Variants in SNTG2 observed in about 807,000 individuals in gnomAD.
SNTG2 encodes the protein gamma-2-syntrophin.
Under a neutral mutation model 70.9 loss-of-function variants are expected in SNTG2, and 74 were observed. That is an observed-to-expected ratio of 1.04 (90% CI 0.86 to 1.27). The LOEUF (loss-of-function observed/expected upper bound fraction) is 1.27, where lower values mean the gene tolerates loss of function less well. SNTG2 is among the 50% of genes most tolerant of loss of function. SNTG2 has a pLI of 0.00. For synonymous variants in SNTG2, 278 were observed against 273.8 expected (o/e 1.02, Z -0.15); for missense variants, 717 against 690.7 (o/e 1.04, Z -0.43).
At chr2:1,032,638 T>C (rs559787629) in intron 1 of SNTG2, among the ~76,000 whole-genome samples, 41 of 152,318 alleles carry the variant, frequency 2.7e-4, no homozygotes, top group Middle Eastern at 3.4e-3. Context: ...TGTTTCTGAA[T>C]TAAGAAGGAC....
intron 4 of SNTG2, among the ~76,000 whole-genome samples, chr2:1,121,991 A>T (rs903931114): frequency 6.6e-6 from 1 of 152,222 alleles, no homozygotes; most frequent in Non-Finnish European, 1.5e-5. Context: ...ATATGCCAGA[A>T]AATTGGACTA....
chr2:1,364,827 G>A (rs568445750), intron 16 of SNTG2, among the ~76,000 whole-genome samples: 1 of 151,660 alleles, frequency 6.6e-6, no homozygotes, highest in Admixed American at 6.6e-5. Context: ...GGAGAATGGC[G>A]TGAACCCAGG....
intron 16 of SNTG2, among the ~76,000 whole-genome samples, chr2:1,350,978 C>G (rs893566704): frequency 1.3e-5 from 2 of 151,938 alleles, no homozygotes; most frequent in African/African-American, 2.4e-5. Context: ...CTTTTACTCT[C>G]AATATCAAGT....
chr2:1,114,766 C>G (rs1481188284), intron 4 of SNTG2, among the ~76,000 whole-genome samples: 3 of 151,964 alleles, frequency 2.0e-5, no homozygotes, highest in Non-Finnish European at 4.4e-5. Context: ...CCCTTATACT[C>G]CTTTGAGAAG....
chr2:1,066,808 A>AC (rs1663185665), intron 1 of SNTG2, among the ~76,000 whole-genome samples: 1 of 151,868 alleles, frequency 6.6e-6, no homozygotes, highest in South Asian at 2.1e-4. Context: ...TGACCGTAGA[A>AC]CGGTCGTCTT....
chr2:993,744 G>A (rs1347075066), intron 1 of SNTG2, among the ~76,000 whole-genome samples: 2 of 151,366 alleles, frequency 1.3e-5, no homozygotes, highest in Non-Finnish European at 3.0e-5. Context: ...TGAGCTGGTG[G>A]CTTTGATTTG....
At chr2:1,020,866 C>T (rs1283566498) in intron 1 of SNTG2, among the ~76,000 whole-genome samples, 1 of 152,124 alleles carries the variant, frequency 6.6e-6, no homozygotes, top group Non-Finnish European at 1.5e-5. Context: ...TGTTAGACAG[C>T]ATGAAAATAT....
intron 1 of SNTG2, among the ~76,000 whole-genome samples, chr2:1,007,474 CA>C (rs1201594551): frequency 2.0e-5 from 3 of 152,118 alleles, no homozygotes; most frequent in African/African-American, 7.2e-5. Context: ...TCAGTTTCCA[CA>C]GTAAAAATGG....
At chr2:1,250,768 T>G (rs9750861) in intron 12 of SNTG2, among the ~76,000 whole-genome samples, 1,902 of 152,276 alleles carry the variant, frequency 0.012, 34 homozygotes, top group African/African-American at 0.043. Context: ...TGCCCACTCT[T>G]TGCTCTTCTC....
intron 13 of SNTG2, among the ~76,000 whole-genome samples, chr2:1,263,293 T>C (rs1678544505): frequency 6.6e-6 from 1 of 152,204 alleles, no homozygotes; most frequent in Non-Finnish European, 1.5e-5. Flanking sequence ...ATTTATACAG[T>C]TATATGTACA....
At chr2:1,359,763 A>G (rs764210026) in intron 16 of SNTG2, among the ~76,000 whole-genome samples, 3 of 152,168 alleles carry the variant, frequency 2.0e-5, no homozygotes, top group Non-Finnish European at 2.9e-5. Flanking sequence ...GCGAATTTCT[A>G]TTTAGGTTCT....
intron 13 of SNTG2, among the ~76,000 whole-genome samples, chr2:1,260,633 G>A (rs1464849183): frequency 6.6e-6 from 1 of 152,116 alleles, no homozygotes; most frequent in Non-Finnish European, 1.5e-5. Context: ...AGTTATTGTT[G>A]CTTTCATTTT....
chr2:1,053,677 A>G (rs1001129159), intron 1 of SNTG2, among the ~76,000 whole-genome samples: 1 of 151,242 alleles, frequency 6.6e-6, no homozygotes, highest in Non-Finnish European at 1.5e-5. Context: ...ATCATTTCCC[A>G]CCTCATTTGT....
chr2:1,323,963 G>A (rs1173708111), intron 16 of SNTG2, among the ~76,000 whole-genome samples: 1 of 151,926 alleles, frequency 6.6e-6, no homozygotes, highest in Non-Finnish European at 1.5e-5. Flanking sequence ...CAGTCACATG[G>A]CTAAGACCCC....
intron 8 of SNTG2, among the ~76,000 whole-genome samples, chr2:1,181,213 A>G (rs1335187827): frequency 1.5e-5 from 2 of 131,944 alleles, no homozygotes; most frequent in Non-Finnish European, 3.2e-5. Flanking sequence ...AACTTAAAGT[A>G]TAATAATAAT....
chr2:975,410 A>G (rs1660878086), intron 1 of SNTG2, among the ~76,000 whole-genome samples: 1 of 152,278 alleles, frequency 6.6e-6, no homozygotes, highest in Admixed American at 6.5e-5. Flanking sequence ...AGCAAACCAC[A>G]CCACACACTT....
intron 16 of SNTG2, among the ~76,000 whole-genome samples, chr2:1,355,618 G>T (rs4444587): frequency 0.72 from 109,321 of 151,642 alleles, 39,680 homozygotes; most frequent in East Asian, 0.94. Context: ...TCCCTATCCT[G>T]GCTATTGTGA....
At chr2:1,217,467 A>G (rs1674468756) in intron 9 of SNTG2, among the ~76,000 whole-genome samples, 1 of 152,250 alleles carries the variant, frequency 6.6e-6, no homozygotes, top group South Asian at 2.1e-4. Flanking sequence ...AAAAAGACAT[A>G]AAAACATAAG....
At chr2:1,083,390 A>T (rs1363075733) in intron 1 of SNTG2, 128 bp from the exon 2 acceptor site, 5 of 823,818 alleles carry the variant, frequency 6.1e-6, no homozygotes, top group Non-Finnish European at 9.7e-6. Flanking sequence ...TTGAGCACAG[A>T]TCTGTGCACA....
Sources: gnomAD v4.1 joint callset for allele counts (sites outside exome capture counted in the v4.1 genomes callset) on GRCh38, gnomAD v4.1.1 for gene constraint, MANE v1.5 for transcripts, NCBI Gene and HGNC (gene_info 2026-07-23, HGNC 2026-07-21) for gene names.